Variants in MSN observed in about 807,000 individuals in gnomAD.
MSN encodes the protein moesin, also known as epididymis luminal protein 70.
In MSN, 2 loss-of-function variants were observed where a neutral mutation model predicts 48.0. The ratio of observed to expected loss-of-function variants is 0.04; its 90% confidence interval spans 0.02 to 0.13. The LOEUF (loss-of-function observed/expected upper bound fraction) is 0.13. Among genes scored for constraint, MSN ranks in the 10% least tolerant of loss-of-function variants. The pLI, the probability that MSN is intolerant of heterozygous loss-of-function variation, is 1.00. For synonymous variants in MSN, 146 were observed against 166.9 expected, an observed-to-expected ratio of 0.87 and a Z score of 0.97; for missense variants, 267 against 470.1, an observed-to-expected ratio of 0.57 and a Z score of 3.99.
chrX:65,688,460 A>G (rs1304242619), intron 1 of MSN, among the ~76,000 whole-genome samples: 2 of 111,621 alleles, frequency 1.8e-5, no homozygotes, highest in African/African-American at 3.3e-5. Context: ...TCAGCTAATG[A>G]GTAATGGAGA....
chrX:65,616,883 C>G (rs1451510807), intron 1 of MSN, among the ~76,000 whole-genome samples: 2 of 110,622 alleles, frequency 1.8e-5, no homozygotes, highest in African/African-American at 6.6e-5. Context: ...TACGTCCCAT[C>G]AATACCTAAT....
intron 1 of MSN, among the ~76,000 whole-genome samples, chrX:65,627,361 A>G (rs2148363677): frequency 9.1e-6 from 1 of 109,993 alleles, no homozygotes; most frequent in South Asian, 3.8e-4. Context: ...CGAGAAAAAG[A>G]GGTTTAATTG....
upstream of MSN, among the ~76,000 whole-genome samples, chrX:65,662,867 G>C (rs1052481705): frequency 3.6e-5 from 4 of 112,403 alleles, no homozygotes; most frequent in African/African-American, 1.3e-4. Flanking sequence ...GAATGAGGAA[G>C]ACATTTGTAA....
Position 65,733,279 on chromosome X carries a change from C to T in MSN, c.794C>T (p.Pro265Leu), listed in dbSNP as rs760611882. 5 of 1,198,884 alleles carry T rather than the reference C, an allele frequency of 4.2e-6. No homozygotes were observed. Among genetic ancestry groups the T allele is most frequent in the East Asian group, 3.0e-5 (1 of 33,796 alleles). Residue 265 changes from proline (P) to leucine (L), a missense_variant and splice_region_variant, in exon 7 of 13, where the codon CCG becomes CTG. Physicochemically the swap from Pro to Leu is moderately conservative, Grantham distance 98. Transcript: ENST00000360270. ...FVIKPIDKKA[P>L]DFVFYAPRLR... ...ATCAAGCCCATTGACAAAAAAGCCCCGGTGAGTGATTCCTCCCTCTGACCA... is the reference window on the plus strand; with the variant it reads ...ATCAAGCCCATTGACAAAAAAGCCCTGGTGAGTGATTCCTCCCTCTGACCA...
intron 10 of MSN, 32 bp from the exon 11 acceptor site, chrX:65,738,493 C>T (rs766909343): frequency 8.5e-7 from 1 of 1,175,331 alleles, no homozygotes; most frequent in South Asian, 1.9e-5. Context: ...ACCAGAAGGC[C>T]CAGCTCTCAC....
intron 6 of MSN, 82 bp from the exon 7 acceptor site, chrX:65,733,102 T>G: frequency 1.5e-6 from 1 of 653,558 alleles, no homozygotes; most frequent in Non-Finnish European, 2.4e-6. Flanking sequence ...AGCTTGGAGG[T>G]GACAGTGAGG....
upstream of MSN, among the ~76,000 whole-genome samples, chrX:65,666,577 C>T (rs1178935343): frequency 9.0e-6 from 1 of 110,873 alleles, no homozygotes; most frequent in Non-Finnish European, 1.9e-5. Flanking sequence ...CCTCAGCCTC[C>T]CAAAGTGCTG....
chrX:65,603,145 T>A (rs1053766718), intron 1 of MSN, among the ~76,000 whole-genome samples: 1 of 111,089 alleles, frequency 9.0e-6, no homozygotes. Context: ...AATACAAAAA[T>A]TATTTGGGCG....
In MSN at chrX:65,669,825, T is replaced by TA. The variant is rs1354374330; in HGVS notation, c.12+1983dup. On this transcript the variant is annotated intron_variant, in intron 1 of 12. Coordinates refer to ENST00000360270, the MANE Select transcript of MSN (RefSeq NM_002444.3). ...TGGAGACTATTTAGTACAACTCTCT[T>TA]AAAAAAAAAAACTAAAACTAAAACA... is the stretch of plus-strand genomic sequence containing the variant. Among the ~76,000 whole-genome samples, 519 of 103,386 alleles carry TA rather than the reference T, an allele frequency of 5.0e-3. 4 individuals carry two copies. Among genetic ancestry groups the TA allele is most frequent in the African/African-American group, 0.013 (384 of 28,696 alleles). 89.8% of individuals were successfully genotyped at this position (103,386 alleles called of 115,157 possible).
intron 2 of MSN, among the ~76,000 whole-genome samples, chrX:65,722,005 C>T (rs2071521693): frequency 8.9e-6 from 1 of 111,778 alleles, no homozygotes. Context: ...TCACTTGAGT[C>T]CAGGAGTTCA....
chrX:65,714,858 G>T (rs1239203463), intron 1 of MSN, among the ~76,000 whole-genome samples: 2 of 111,594 alleles, frequency 1.8e-5, no homozygotes, highest in African/African-American at 6.5e-5. Context: ...ATTGCTTTTG[G>T]CGTCTTTGTT....
chrX:65,671,813 G>T (rs988187292), intron 1 of MSN, among the ~76,000 whole-genome samples: 8 of 112,192 alleles, frequency 7.1e-5, no homozygotes, highest in African/African-American at 2.6e-4. Flanking sequence ...GCTCTCTCGT[G>T]TTAGGCTTGG....
Position 65,737,288 on chromosome X carries a change from G to A in MSN, c.1201G>A (p.Glu401Lys). ...KERQEAEEAK[E>K]ALLQASRDQK... ...GCGTCAAGAAGCTGAAGAGGCCAAG[G>A]AGGCCTTGCTGCAGGCCTCCCGGGA... Residue 401 changes from glutamate (E) to lysine (K), a missense_variant, in exon 10 of 13, where the codon GAG (glutamate) becomes AAG (lysine). Physicochemically the swap from Glu to Lys is moderately conservative, Grantham distance 56. Transcript: ENST00000360270. The A allele has an allele frequency of 1.7e-6, 2 of 1,211,510 alleles. No homozygotes were observed. The highest frequency in any genetic ancestry group is 3.5e-5 in the South Asian group (2 of 56,857).
intron 1 of MSN, among the ~76,000 whole-genome samples, chrX:65,638,263 T>G (rs969997284): frequency 2.7e-5 from 3 of 112,466 alleles, no homozygotes; most frequent in Non-Finnish European, 5.6e-5. Context: ...CTGCCTAGAA[T>G]GAATTCCTCT....
At chrX:65,660,335 T>C in intron 1 of MSN, among the ~76,000 whole-genome samples, 1 of 112,271 alleles carries the variant, frequency 8.9e-6, no homozygotes. Flanking sequence ...ACATTGACTT[T>C]GTATTCTACA....
intron 1 of MSN, among the ~76,000 whole-genome samples, chrX:65,607,730 C>T (rs1238494147): frequency 9.0e-6 from 1 of 111,068 alleles, no homozygotes; most frequent in African/African-American, 3.3e-5. Flanking sequence ...ATTCCCTGCC[C>T]TCACTTCCAA....
intron 1 of MSN, among the ~76,000 whole-genome samples, chrX:65,694,721 C>A (rs1324569462): frequency 8.9e-6 from 1 of 112,232 alleles, no homozygotes; most frequent in Admixed American, 9.4e-5. Context: ...CCCATCGTGC[C>A]TTCTGCTGCA....
intron 1 of MSN, among the ~76,000 whole-genome samples, chrX:65,619,104 A>T (rs1309855544): frequency 3.0e-5 from 3 of 99,634 alleles, no homozygotes; most frequent in African/African-American, 1.2e-4. Context: ...CTTCCCTTTG[A>T]GGGTAACCCG....
chrX:65,633,263 C>T (rs2070572718), intron 1 of MSN, among the ~76,000 whole-genome samples: 2 of 111,490 alleles, frequency 1.8e-5, no homozygotes, highest in Admixed American at 1.9e-4. Context: ...TTTTGCACCC[C>T]TTTTCTTCAG....
Sources: gnomAD v4.1 joint callset for allele counts (sites outside exome capture counted in the v4.1 genomes callset) on GRCh38, gnomAD v4.1.1 for gene constraint, MANE v1.5 for transcripts, NCBI Gene and HGNC (gene_info 2026-07-23, HGNC 2026-07-21) for gene names.